MFAP3: variants seen among roughly 807,000 people sequenced by gnomAD.
MFAP3 encodes the protein microfibril-associated glycoprotein 3.
Under a neutral mutation model 20.5 loss-of-function variants are expected in MFAP3, and 8 were observed. The ratio of observed to expected loss-of-function variants is 0.39; its 90% CI spans 0.23 to 0.70. MFAP3 has a LOEUF of 0.70. MFAP3 is among the 30% of genes least tolerant of loss of function. The pLI, the probability that MFAP3 is intolerant of heterozygous loss-of-function variation, is 0.44. For missense variants in MFAP3, 398 were observed against 444.6 expected, an observed-to-expected ratio of 0.90 and a Z score of 0.94; for synonymous variants, 140 against 154.0, an observed-to-expected ratio of 0.91 and a Z score of 0.67.
Position 154,055,883 on chromosome 5 carries a change from C to T in MFAP3, c.*2170C>T, listed in dbSNP as rs1322579836. 6.6e-6 allele frequency among the ~76,000 whole-genome samples: 1 copy of T among 152,124 alleles called. No individual in the cohort carries two copies. The highest frequency in any genetic ancestry group is 2.4e-5 in the African/African-American group (1 of 41,416). The stretch of plus-strand genomic sequence containing the variant: ...CTTACCTCCCAAAGTGTTGAGATTA[C>T]AGGCATGAGCCACTGTGCCTGGCCA... On this transcript the variant is annotated 3_prime_UTR_variant, in exon 3 of 3. Coordinates refer to ENST00000522782, the MANE Select transcript of MFAP3 (RefSeq NM_005927.5).
intron 1 of MFAP3, among the ~76,000 whole-genome samples, chr5:154,039,822 T>C (rs1772871737): frequency 6.6e-6 from 1 of 152,218 alleles, no homozygotes; most frequent in Admixed American, 6.5e-5. Context: ...CTTTAAGAAC[T>C]CATGTTTTCC....
chr5:154,050,853 A>G (rs868315915), intron 2 of MFAP3, among the ~76,000 whole-genome samples: 2 of 152,106 alleles, frequency 1.3e-5, no homozygotes, highest in Non-Finnish European at 1.5e-5. Flanking sequence ...GTTATAATGG[A>G]CCTCAAAAAG....
chr5:154,043,727 A>AT (rs1561587992), intron 1 of MFAP3, among the ~76,000 whole-genome samples: 3 of 114,716 alleles, frequency 2.6e-5, no homozygotes, highest in Non-Finnish European at 5.6e-5. Flanking sequence ...CAGCAGGCAT[A>AT]ATATATATAT....
chr5:154,042,029 A>G (rs1318323144), intron 1 of MFAP3, among the ~76,000 whole-genome samples: 1 of 152,242 alleles, frequency 6.6e-6, no homozygotes, highest in Non-Finnish European at 1.5e-5. Flanking sequence ...CCTTAACTCT[A>G]GAGCCCATTC....
chr5:154,047,214 T>G (rs1773085900), intron 1 of MFAP3, among the ~76,000 whole-genome samples: 1 of 152,180 alleles, frequency 6.6e-6, no homozygotes, highest in South Asian at 2.1e-4. Context: ...ATGATGAGAT[T>G]AACTCCCCAT....
At position 154,049,760 on chromosome 5, in the gene MFAP3, GTAT is replaced by G. The variant is rs1773140922; in HGVS notation, c.43_45del (p.Ile15del). On this transcript the variant is annotated inframe_deletion, in exon 2 of 3. Coordinates refer to ENST00000522782, the MANE Select transcript of MFAP3 (RefSeq NM_005927.5). ...TGTTGCTTATTCACTTTAGTGGCAA[GTAT>G]TATTGTGCCAGCTGCTTTTGTTTTG... 1 of 1,613,616 alleles carries G rather than the reference GTAT, an allele frequency of 6.2e-7. No homozygotes were observed. The highest frequency in any genetic ancestry group is 1.1e-5 in the South Asian group (1 of 91,078).
rs1773315610 is a variant in MFAP3 at position 154,055,778 on chromosome 5, T to C, written c.*2065T>C. Among the ~76,000 whole-genome samples, 1 of 152,108 alleles carries C rather than the reference T, an allele frequency of 6.6e-6. No individual in the cohort carries two copies. The highest frequency in any genetic ancestry group is 2.4e-5 in the African/African-American group (1 of 41,412). Reference sequence around the variant, plus strand: ...GCACCACCTTTCCTGGCTAATTTTTTTTTATTTTTTGTAGAGATGGGGGTC... The same window carrying C: ...GCACCACCTTTCCTGGCTAATTTTTCTTTATTTTTTGTAGAGATGGGGGTC... On this transcript the variant is annotated 3_prime_UTR_variant, in exon 3 of 3. Coordinates refer to ENST00000522782, the MANE Select transcript of MFAP3 (RefSeq NM_005927.5).
chr5:154,045,013 C>T (rs1236647683), intron 1 of MFAP3, among the ~76,000 whole-genome samples: 2 of 151,564 alleles, frequency 1.3e-5, no homozygotes, highest in Non-Finnish European at 2.9e-5. Context: ...ATGAGTCTCT[C>T]TTTGTCTTTC....
Position 154,053,735 on chromosome 5 carries a change from A to G in MFAP3, c.*22A>G, listed in dbSNP as rs1159176754. The G allele has an allele frequency of 6.4e-7, 1 of 1,563,252 alleles. No homozygotes were observed. Among genetic ancestry groups the G allele is most frequent in the Non-Finnish European group, 8.7e-7 (1 of 1,153,384 alleles). On this transcript the variant is annotated 3_prime_UTR_variant, in exon 3 of 3. Transcript: ENST00000522782. The stretch of plus-strand genomic sequence containing the variant: ...GTAACCTACAATGCTGTAACCCAGT[A>G]CCTACAAAATCAGCTCGCTCTCAGA...
chr5:154,047,414 G>A (rs1014931127), intron 1 of MFAP3, among the ~76,000 whole-genome samples: 1 of 152,144 alleles, frequency 6.6e-6, no homozygotes, highest in African/African-American at 2.4e-5. Flanking sequence ...GTATCCCTCC[G>A]ATCTCAAACT....
chr5:154,039,820 A>G (rs1284453325), intron 1 of MFAP3, among the ~76,000 whole-genome samples: 1 of 152,144 alleles, frequency 6.6e-6, no homozygotes. Flanking sequence ...GCCTTTAAGA[A>G]CTCATGTTTT....
intron 1 of MFAP3, among the ~76,000 whole-genome samples, chr5:154,047,728 G>A (rs764387246): frequency 6.6e-6 from 1 of 152,088 alleles, no homozygotes; most frequent in Non-Finnish European, 1.5e-5. Flanking sequence ...CAGAAATGAC[G>A]ATAATTTGGT....
At chr5:154,046,465 T>C (rs1773074564) in intron 1 of MFAP3, among the ~76,000 whole-genome samples, 1 of 152,202 alleles carries the variant, frequency 6.6e-6, no homozygotes, top group Non-Finnish European at 1.5e-5. Context: ...TAAGGGGTAG[T>C]TGAGATGGGA....
chr5:154,047,884 G>A (rs915080903), intron 1 of MFAP3, among the ~76,000 whole-genome samples: 2 of 152,150 alleles, frequency 1.3e-5, no homozygotes, highest in Non-Finnish European at 2.9e-5. Flanking sequence ...CACACTCATA[G>A]CCTGTCACCG....
chr5:154,045,434 A>G (rs909468278), intron 1 of MFAP3, among the ~76,000 whole-genome samples: 13 of 152,232 alleles, frequency 8.5e-5, no homozygotes, highest in African/African-American at 3.1e-4. Flanking sequence ...GAAATTTTAA[A>G]TTTAAGATTA....
rs1773237080 is a variant in MFAP3, at chr5:154,053,035, C to T, written c.411C>T (p.Thr137=). The T allele has an allele frequency of 6.2e-7, 1 of 1,613,750 alleles. No homozygotes were observed. Among genetic ancestry groups the T allele is most frequent in the African/African-American group, 1.3e-5 (1 of 74,872 alleles). The change falls in exon 3 of 3, where the codon ACC becomes ACT. Residue 137 remains threonine, a synonymous_variant. Transcript: ENST00000522782. ...CAATTCGTGCCTCCTACTCTGTCAC[C>T]CTACGTGTTATCTTCACCTCGGGAG... is the stretch of plus-strand genomic sequence containing the variant. ...TSPIRASYSV[T]LRVIFTSGDM...
In MFAP3 at chr5:154,054,774, G is replaced by A. The variant is rs888009068; in HGVS notation, c.*1061G>A. On this transcript the variant is annotated 3_prime_UTR_variant, in exon 3 of 3. Transcript: ENST00000522782. Reference sequence around the variant, plus strand: ...GGTCTTAGGTATGGTGCTATAGGTTGCATGCGTCTTTATCTTGTTTGTTTG... The same window carrying A: ...GGTCTTAGGTATGGTGCTATAGGTTACATGCGTCTTTATCTTGTTTGTTTG... 4 of 167,036 alleles carry A rather than the reference G, an allele frequency of 2.4e-5. No individual in the cohort carries two copies. The highest frequency in any genetic ancestry group is 9.7e-5 in the African/African-American group (4 of 41,426). 10.3% of individuals were successfully genotyped at this position (167,036 alleles called of 1,614,324 possible). A position where few individuals can be genotyped will look rare whatever the true frequency, so the allele number is the denominator to read the frequency against.
intron 1 of MFAP3, among the ~76,000 whole-genome samples, chr5:154,043,548 T>TCACACACACA (rs145579460): frequency 1.3e-5 from 2 of 149,232 alleles, no homozygotes; most frequent in Admixed American, 6.7e-5. Flanking sequence ...CGAAACTCCG[T>TCACACACACA]CACACACACA....
At chr5:154,044,937 T>TG (rs1491160319) in intron 1 of MFAP3, among the ~76,000 whole-genome samples, 4 of 145,826 alleles carry the variant, frequency 2.7e-5, no homozygotes, top group South Asian at 2.2e-4. Flanking sequence ...TTTCTTTTTT[T>TG]AAAAAAAAAA....
Sources: gnomAD v4.1 joint callset for allele counts (sites outside exome capture counted in the v4.1 genomes callset) on GRCh38, gnomAD v4.1.1 for gene constraint, MANE v1.5 for transcripts, NCBI Gene and HGNC (gene_info 2026-07-23, HGNC 2026-07-21) for gene names.